Variants in MBD5 observed in about 807,000 individuals in gnomAD.
The protein encoded by MBD5 is methyl-CpG binding domain protein 5.
In MBD5, 13 loss-of-function variants were observed where a neutral mutation model predicts 117.3. The ratio of observed to expected loss-of-function variants is 0.11; its 90% CI spans 0.07 to 0.18. MBD5 has a LOEUF of 0.18. MBD5 is among the 10% of genes least tolerant of loss of function. MBD5 has a pLI of 1.00. For missense variants in MBD5, 1,879 were observed against 2,093.8 expected, an observed-to-expected ratio of 0.90 and a Z score of 2.00; for synonymous variants, 727 against 766.4, an observed-to-expected ratio of 0.95 and a Z score of 0.85.
chr2:148,327,921 T>G (rs551435525), intron 3 of MBD5, among the ~76,000 whole-genome samples: 1 of 152,160 alleles, frequency 6.6e-6, no homozygotes, highest in Admixed American at 6.5e-5. Context: ...GGCGCTCTGC[T>G]TTTTAGAGTT....
At chr2:148,267,521 A>AT (rs955182159) in intron 3 of MBD5, among the ~76,000 whole-genome samples, 6 of 152,034 alleles carry the variant, frequency 3.9e-5, no homozygotes, top group Non-Finnish European at 5.9e-5. Context: ...TTTCTCTCCC[A>AT]TTTTTTTAAA....
chr2:148,157,945 A>G (rs1021407945), intron 1 of MBD5, among the ~76,000 whole-genome samples: 18 of 152,198 alleles, frequency 1.2e-4, no homozygotes, highest in African/African-American at 3.9e-4. Flanking sequence ...TTAGAACTAG[A>G]TAGAGGTGGT....
At chr2:148,160,000 G>A (rs1490713978) in intron 1 of MBD5, among the ~76,000 whole-genome samples, 2 of 152,204 alleles carry the variant, frequency 1.3e-5, no homozygotes, top group Non-Finnish European at 2.9e-5. Context: ...AAATTTGTCT[G>A]TGTTCTGAAA....
At chr2:148,447,191 G>GAAAGA (rs1553516330) in intron 4 of MBD5, among the ~76,000 whole-genome samples, 180 of 9,570 alleles carry the variant, frequency 0.019, 1 homozygote, top group Admixed American at 0.033. Flanking sequence ...AAGAAAGAAA[G>GAAAGA]AAAGAAAGAA....
chr2:148,108,839 T>C (rs755822226), intron 1 of MBD5, among the ~76,000 whole-genome samples: 3 of 152,204 alleles, frequency 2.0e-5, no homozygotes, highest in African/African-American at 7.2e-5. Flanking sequence ...ATTATGAACA[T>C]GTGCTTCAAA....
At chr2:148,220,403 A>C (rs1699656932) in intron 2 of MBD5, among the ~76,000 whole-genome samples, 1 of 152,140 alleles carries the variant, frequency 6.6e-6, no homozygotes, top group Admixed American at 6.5e-5. Context: ...AAACAAAACA[A>C]ATCTTTGTTC....
At chr2:148,490,906 T>G in intron 11 of MBD5, 1 of 367,696 alleles carries the variant, frequency 2.7e-6, no homozygotes. Flanking sequence ...AGTTCTTCAT[T>G]TCATACACAG....
intron 4 of MBD5, among the ~76,000 whole-genome samples, chr2:148,359,450 T>C (rs1391563918): frequency 6.6e-6 from 1 of 152,190 alleles, no homozygotes; most frequent in Non-Finnish European, 1.5e-5. Context: ...ATAACTATAG[T>C]AAATTCTCTA....
chr2:148,324,739 G>T (rs1702394085), intron 3 of MBD5, among the ~76,000 whole-genome samples: 1 of 152,194 alleles, frequency 6.6e-6, no homozygotes, highest in South Asian at 2.1e-4. Context: ...TTTGGGCTGA[G>T]ACAAGGGGGT....
At chr2:148,295,442 T>C (rs1701625887) in intron 3 of MBD5, among the ~76,000 whole-genome samples, 1 of 152,166 alleles carries the variant, frequency 6.6e-6, no homozygotes, top group South Asian at 2.1e-4. Context: ...CAAAGAGTAT[T>C]AGTGGCTTTT....
At chr2:148,172,935 G>A (rs1021603217) in intron 1 of MBD5, among the ~76,000 whole-genome samples, 2 of 152,064 alleles carry the variant, frequency 1.3e-5, no homozygotes, top group Non-Finnish European at 2.9e-5. Context: ...TCATCAGGAC[G>A]ACCTGCCTGC....
chr2:148,312,960 C>T (rs1043204357), intron 3 of MBD5, among the ~76,000 whole-genome samples: 1 of 152,140 alleles, frequency 6.6e-6, no homozygotes, highest in Non-Finnish European at 1.5e-5. Context: ...GACCCTGTTT[C>T]GCTGGGTATC....
intron 8 of MBD5, among the ~76,000 whole-genome samples, chr2:148,482,697 T>C (rs568652510): frequency 2.6e-4 from 39 of 152,308 alleles, no homozygotes; most frequent in African/African-American, 8.7e-4. Context: ...AAATAACTTT[T>C]TTAATGAAAA....
intron 1 of MBD5, among the ~76,000 whole-genome samples, chr2:148,128,662 A>C (rs1696960796): frequency 6.6e-6 from 1 of 152,256 alleles, no homozygotes; most frequent in Non-Finnish European, 1.5e-5. Context: ...ACTATATGGT[A>C]GATAGTAGTC....
At chr2:148,273,598 C>G (rs1003911535) in intron 3 of MBD5, among the ~76,000 whole-genome samples, 4 of 152,206 alleles carry the variant, frequency 2.6e-5, no homozygotes, top group African/African-American at 9.6e-5. Context: ...ACAGCTTCAA[C>G]CCCCTGTGAT....
chr2:148,218,748 C>T (rs144071817), intron 2 of MBD5, among the ~76,000 whole-genome samples: 220 of 151,982 alleles, frequency 1.4e-3, no homozygotes, highest in African/African-American at 4.9e-3. Flanking sequence ...ATTTGTATAT[C>T]TAAACAAAAA....
At chr2:148,084,043 T>C (rs1449511613) in intron 1 of MBD5, among the ~76,000 whole-genome samples, 1 of 152,218 alleles carries the variant, frequency 6.6e-6, no homozygotes, top group Non-Finnish European at 1.5e-5. Flanking sequence ...CACAAAAAGA[T>C]TGAAAACTTG....
chr2:148,164,469 A>T (rs1698081210), intron 1 of MBD5, among the ~76,000 whole-genome samples: 1 of 152,152 alleles, frequency 6.6e-6, no homozygotes, highest in African/African-American at 2.4e-5. Context: ...TAAGTATTAT[A>T]TTATTTAGTA....
At chr2:148,372,895 C>T (rs1161563270) in intron 4 of MBD5, among the ~76,000 whole-genome samples, 1 of 152,036 alleles carries the variant, frequency 6.6e-6, no homozygotes, top group African/African-American at 2.4e-5. Flanking sequence ...TATAATTTTT[C>T]CTCTGATTTT....
Sources: allele counts gnomAD v4.1 joint callset (sites outside exome capture counted in the v4.1 genomes callset), GRCh38; gene constraint gnomAD v4.1.1; transcripts MANE v1.5; gene names NCBI Gene and HGNC (gene_info 2026-07-23, HGNC 2026-07-21).